Variants in MREG observed in about 807,000 individuals in gnomAD.
MREG encodes dilute suppressor protein homolog.
A neutral mutation model predicts 28.5 loss-of-function variants in MREG; 31 were observed. That is an observed-to-expected ratio of 1.09 (90% CI 0.82 to 1.47). The LOEUF is 1.47. Ranked by LOEUF, MREG falls within the 40% of genes most tolerant of loss-of-function variation. The pLI is 0.00. For missense variants in MREG, 256 were observed against 257.4 expected (o/e 0.99, Z 0.04); for synonymous variants, 106 against 95.2 (o/e 1.11, Z -0.66).
At chr2:216,013,130 C>G (rs1694355628) in intron 1 of MREG, 103 bp downstream of exon 1, 2 of 1,023,724 alleles carry the variant, frequency 2.0e-6, no homozygotes, top group Non-Finnish European at 2.9e-6. Context: ...GCCCTTCCAG[C>G]AAGCCCACCT....
intron 2 of MREG, among the ~76,000 whole-genome samples, chr2:215,977,297 T>C (rs184352085): frequency 1.6e-4 from 24 of 152,288 alleles, no homozygotes; most frequent in South Asian, 6.2e-4. Context: ...TATTACATAA[T>C]GGTAAAGGGA....
At chr2:216,021,199 G>A (rs1694515190) in intron 1 of MREG, among the ~76,000 whole-genome samples, 2 of 152,200 alleles carry the variant, frequency 1.3e-5, no homozygotes, top group African/African-American at 4.8e-5. Flanking sequence ...CCAGGTTGGA[G>A]TGCAGTGATG....
chr2:215,955,402 A>C (rs1171970152), intron 2 of MREG, among the ~76,000 whole-genome samples: 1 of 152,190 alleles, frequency 6.6e-6, no homozygotes, highest in African/African-American at 2.4e-5. Context: ...TCCCACGTGG[A>C]TTCATGCACT....
At chr2:215,976,153 G>C (rs1693252146) in intron 2 of MREG, among the ~76,000 whole-genome samples, 1 of 151,426 alleles carries the variant, frequency 6.6e-6, no homozygotes, top group Middle Eastern at 3.4e-3. Context: ...TCCTCACTGA[G>C]CCTTGGCAGT....
intron 1 of MREG, among the ~76,000 whole-genome samples, chr2:216,006,273 T>G (rs1258882938): frequency 6.6e-6 from 1 of 152,170 alleles, no homozygotes; most frequent in Non-Finnish European, 1.5e-5. Flanking sequence ...TTAAAAGTCA[T>G]CCTTGTGAAT....
At chr2:215,968,593 C>A (rs989882626) in intron 2 of MREG, among the ~76,000 whole-genome samples, 2 of 152,150 alleles carry the variant, frequency 1.3e-5, no homozygotes, top group African/African-American at 4.8e-5. Context: ...CCCTGCCCTA[C>A]GCCCAGGGCC....
Position 215,951,051 on chromosome 2 carries a change from G to A in MREG, c.256-3938C>T, listed in dbSNP as rs150762413. 6.6e-3 allele frequency among the ~76,000 whole-genome samples: 1,007 copies of A among 152,056 alleles called. 7 individuals carry two copies. The highest frequency in any genetic ancestry group is 0.023 in the African/African-American group (939 of 41,456). ...TCTCTCCTGCCACCGTGTGAAGAAG[G>A]TGCTTTCTTCCCCTTCGCCCTTTTG... On this transcript the variant is annotated intron_variant, in intron 2 of 4. Coordinates refer to ENST00000263268, the MANE Select transcript of MREG (RefSeq NM_018000.3).
intron 1 of MREG, among the ~76,000 whole-genome samples, chr2:216,031,675 GAAAGAAAGAAAGAA>G (rs1559204100): frequency 4.0e-4 from 19 of 47,052 alleles, no homozygotes; most frequent in African/African-American, 6.8e-4. Flanking sequence ...AAGAAAGAAA[GAAAGAAAGAAAGAA>G]AGAGAAAGAA....
chr2:216,006,132 T>C (rs1694148322), intron 1 of MREG, among the ~76,000 whole-genome samples: 1 of 152,202 alleles, frequency 6.6e-6, no homozygotes, highest in Admixed American at 6.5e-5. Context: ...GAATAAAAAG[T>C]TGCAAGAAAC....
intron 2 of MREG, among the ~76,000 whole-genome samples, chr2:215,995,511 C>CCCCCCCCCCCCCCCCCCCCCG (rs146414052): frequency 2.2e-5 from 3 of 136,116 alleles, no homozygotes; most frequent in Non-Finnish European, 4.6e-5. Flanking sequence ...CCCACCCCAC[C>CCCCCCCCCCCCCCCCCCCCCG]CCCCGCCACC....
intron 2 of MREG, among the ~76,000 whole-genome samples, chr2:215,950,946 G>C (rs1162827012): frequency 1.3e-5 from 2 of 152,150 alleles, no homozygotes; most frequent in African/African-American, 4.8e-5. Context: ...TCGTGATAGA[G>C]TTTTCACAAG....
Position 216,013,153 on chromosome 2 carries a change from C to A in MREG, c.95+80G>T. The stretch of plus-strand genomic sequence containing the variant: ...AGCAAGCCCACCTCCCCAACTCACA[C>A]AAGCACACAGGTGTCCACACTCTCG... On this transcript the variant is annotated intron_variant, in intron 1 of 4. Transcript: ENST00000263268. 2.3e-6 allele frequency: 3 copies of A among 1,285,902 alleles called. No homozygotes were observed. In the South Asian group the frequency reaches 3.9e-5, roughly 17 times the overall value. The allele number at this position is 1,285,902 out of a possible 1,614,324, so 79.7% of individuals were successfully genotyped here.
At chr2:215,992,307 C>A (rs1204117034) in intron 2 of MREG, among the ~76,000 whole-genome samples, 1 of 152,230 alleles carries the variant, frequency 6.6e-6, no homozygotes, top group Non-Finnish European at 1.5e-5. Context: ...ACATGATTAT[C>A]TTAATAGAAG....
chr2:215,945,728 T>G lies in MREG; in HGVS notation c.353A>C (p.Gln118Pro). The G allele has an allele frequency of 6.2e-7, 1 of 1,612,772 alleles. No homozygotes were observed. Among genetic ancestry groups the G allele is most frequent in the South Asian group, 1.1e-5 (1 of 90,912 alleles). The change falls in exon 4 of 5, where the codon CAA becomes CCA. Residue 118 changes from glutamine to proline, a missense_variant. Transcript: ENST00000263268. Reference protein sequence around the residue: ...WKCILEDLGFQKEADSLLSVT... With the variant: ...WKCILEDLGFPKEADSLLSVT... Reference sequence around the variant, plus strand: ...TGACAACAAAGAGTCAGCTTCCTTTTGAAAACCTAAGGTAGAAAAATGGAC... The same window carrying G: ...TGACAACAAAGAGTCAGCTTCCTTTGGAAAACCTAAGGTAGAAAAATGGAC...
intron 1 of MREG, among the ~76,000 whole-genome samples, chr2:216,024,566 G>A (rs191010167): frequency 6.6e-5 from 10 of 152,128 alleles, no homozygotes; most frequent in South Asian, 2.1e-4. Context: ...AAACAAATAC[G>A]GTTTCTTGCC....
intron 2 of MREG, among the ~76,000 whole-genome samples, chr2:215,951,004 TC>T (rs1692467496): frequency 1.3e-5 from 2 of 152,088 alleles, no homozygotes; most frequent in Admixed American, 1.3e-4. Context: ...TCTCTCTCTC[TC>T]TCTGTCTCTT....
chr2:215,971,268 G>A (rs1336808174), intron 2 of MREG, among the ~76,000 whole-genome samples: 1 of 152,106 alleles, frequency 6.6e-6, no homozygotes, highest in Admixed American at 6.5e-5. Flanking sequence ...TAACAAACCT[G>A]CACATTCTGC....
chr2:216,023,305 C>T (rs1213359787), intron 1 of MREG, among the ~76,000 whole-genome samples: 2 of 152,234 alleles, frequency 1.3e-5, no homozygotes, highest in African/African-American at 4.8e-5. Context: ...CAAATAGGTT[C>T]TAAAGCTTTC....
rs1489639758 is a variant in MREG, at chr2:215,944,803, A to C, written c.*60T>G. 6.7e-6 allele frequency: 10 copies of C among 1,500,910 alleles called. No individual in the cohort carries two copies. In the East Asian group the frequency reaches 2.3e-4, roughly 34 times the overall value. The allele number at this position is 1,500,910 out of a possible 1,614,324, so 93.0% of individuals were successfully genotyped here. A position where few individuals can be genotyped will look rare whatever the true frequency, so the allele number is the denominator to read the frequency against. On this transcript the variant is annotated 3_prime_UTR_variant, in exon 5 of 5. Coordinates refer to ENST00000263268, the MANE Select transcript of MREG (RefSeq NM_018000.3). Reference sequence around the variant, plus strand: ...ACTCTCTTCTACATGTAATTGTCCAACTTTGGTTGACTGCTGAGTCCTCAT... The same window carrying C: ...ACTCTCTTCTACATGTAATTGTCCACCTTTGGTTGACTGCTGAGTCCTCAT...
Sources: allele counts gnomAD v4.1 joint callset (sites outside exome capture counted in the v4.1 genomes callset), GRCh38; gene constraint gnomAD v4.1.1; transcripts MANE v1.5; gene names NCBI Gene and HGNC (gene_info 2026-07-23, HGNC 2026-07-21).